Variants in NPAS3 observed in about 807,000 individuals in gnomAD.
NPAS3 encodes the protein neuronal PAS domain protein 3.
A neutral mutation model predicts 73.1 loss-of-function variants in NPAS3; 14 were observed. The ratio of observed to expected loss-of-function variants is 0.19; its 90% CI spans 0.13 to 0.30. The LOEUF (loss-of-function observed/expected upper bound fraction) is 0.30. Among genes scored for constraint, NPAS3 ranks in the 10% least tolerant of loss-of-function variants. The probability of loss-of-function intolerance (pLI) is 1.00; values close to 1 mark genes in which losing one functional copy is unlikely to be tolerated. For synonymous variants in NPAS3, 620 were observed against 541.5 expected, an observed-to-expected ratio of 1.14 and a Z score of -2.01; for missense variants, 1,096 against 1,250.0, an observed-to-expected ratio of 0.88 and a Z score of 1.86.
At chr14:33,453,752 A>G (rs968913150) in intron 4 of NPAS3, among the ~76,000 whole-genome samples, 4 of 152,334 alleles carry the variant, frequency 2.6e-5, no homozygotes, top group African/African-American at 9.6e-5. Context: ...AAGTGTTAGA[A>G]TAAAATCATC....
intron 4 of NPAS3, among the ~76,000 whole-genome samples, chr14:33,534,922 C>T (rs536753760): frequency 1.4e-4 from 21 of 152,166 alleles, no homozygotes; most frequent in Admixed American, 3.3e-4. Context: ...CTTTCCAGGA[C>T]GTGTGCTGTG....
intron 4 of NPAS3, among the ~76,000 whole-genome samples, chr14:33,523,168 T>TGGGATA (rs1738642742): frequency 6.6e-6 from 1 of 152,020 alleles, no homozygotes; most frequent in African/African-American, 2.4e-5. Flanking sequence ...TAAAGTACAT[T>TGGGATA]GGGATAGGTA....
At chr14:33,702,909 A>C (rs2060560335) in intron 6 of NPAS3, among the ~76,000 whole-genome samples, 1 of 152,164 alleles carries the variant, frequency 6.6e-6, no homozygotes, top group African/African-American at 2.4e-5. Context: ...TGGGTGTGAA[A>C]TATCCACCTG....
chr14:33,622,843 A>T (rs2058114751), intron 5 of NPAS3, among the ~76,000 whole-genome samples: 1 of 152,128 alleles, frequency 6.6e-6, no homozygotes, highest in Non-Finnish European at 1.5e-5. Flanking sequence ...TTTTTTTCCC[A>T]ATCAGTCAAG....
intron 5 of NPAS3, among the ~76,000 whole-genome samples, chr14:33,638,531 G>A (rs1322566383): frequency 6.6e-6 from 1 of 152,212 alleles, no homozygotes; most frequent in African/African-American, 2.4e-5. Flanking sequence ...TAGATTAAAT[G>A]ATAAATCATA....
At chr14:33,670,624 C>CAAAA (rs755412371) in intron 5 of NPAS3, among the ~76,000 whole-genome samples, 1 of 134,898 alleles carries the variant, frequency 7.4e-6, no homozygotes, top group Non-Finnish European at 1.6e-5. Flanking sequence ...GACCCCCCCT[C>CAAAA]AAAAAAAAAA....
At chr14:33,001,430 G>C (rs999700048) in intron 1 of NPAS3, among the ~76,000 whole-genome samples, 1 of 152,128 alleles carries the variant, frequency 6.6e-6, no homozygotes, top group African/African-American at 2.4e-5. Context: ...TTTTTTGCTA[G>C]TATCTTATGA....
intron 2 of NPAS3, among the ~76,000 whole-genome samples, chr14:33,127,198 T>G (rs2139079311): frequency 6.6e-6 from 1 of 152,254 alleles, no homozygotes; most frequent in South Asian, 2.1e-4. Flanking sequence ...ACCGTTGTCT[T>G]GTTTCTGATT....
chr14:33,291,302 A>T lies in NPAS3; in HGVS notation c.385+75876A>T, dbSNP rs769925765. On this transcript the variant is annotated intron_variant, in intron 3 of 11. Transcript: ENST00000356141. ...TAGCACAGATAGGTGGCCGTGCCTA[A>T]CTTTCTATATCATGTTTTTAAAGGC... is the stretch of plus-strand genomic sequence containing the variant. Among the ~76,000 whole-genome samples, 182 of 152,140 alleles carry T rather than the reference A, an allele frequency of 1.2e-3. 2 individuals carry two copies. Among genetic ancestry groups the T allele is most frequent in the Middle Eastern group, 3.4e-3 (1 of 292 alleles).
intron 5 of NPAS3, among the ~76,000 whole-genome samples, chr14:33,666,832 C>T (rs747112572): frequency 7.9e-5 from 12 of 152,024 alleles, no homozygotes; most frequent in Non-Finnish European, 1.3e-4. Context: ...TGTACTAGTT[C>T]GGTTCTTTTA....
intron 3 of NPAS3, among the ~76,000 whole-genome samples, chr14:33,278,898 AT>A (rs1254082034): frequency 1.3e-5 from 2 of 152,228 alleles, no homozygotes; most frequent in East Asian, 3.8e-4. Flanking sequence ...GGACACGAAG[AT>A]TTCTTCTTGA....
intron 7 of NPAS3, among the ~76,000 whole-genome samples, chr14:33,760,577 C>G (rs567506832): frequency 6.6e-6 from 1 of 152,230 alleles, no homozygotes; most frequent in South Asian, 2.1e-4. Context: ...ATCTGTCATT[C>G]AACTGCTCGC....
chr14:33,243,608 T>C lies in NPAS3; in HGVS notation c.385+28182T>C, dbSNP rs190533412. ...CAATTATTAATCTCCTCCTGTGGGC[T>C]AAGAACTTGTCTGTGTCTGCTGCCT... On this transcript the variant is annotated intron_variant, in intron 3 of 11. Transcript: ENST00000356141. Among the ~76,000 whole-genome samples the C allele has an allele frequency of 2.6e-5, 4 of 152,246 alleles. No homozygotes were observed. The East Asian group carries it at 7.7e-4, about 29-fold the overall frequency.
At chr14:33,544,794 A>ATATATATATATGTATATATATAT (rs2054716250) in intron 4 of NPAS3, among the ~76,000 whole-genome samples, 2 of 107,866 alleles carry the variant, frequency 1.9e-5, no homozygotes, top group African/African-American at 9.6e-5. Context: ...TGTATTATAT[A>ATATATATATATGTATATATATAT]TATATATATA....
Position 33,604,022 on chromosome 14 carries a change from A to C in NPAS3, c.558+43812A>C, listed in dbSNP as rs181581612. On this transcript the variant is annotated intron_variant, in intron 5 of 11. Transcript: ENST00000356141. ...GAGCCCTAAAACAACTAAAAAAAAA[A>C]CAAAGAGTTATAGCTAATAAAGCAA... Among the ~76,000 whole-genome samples, 33 of 152,224 alleles carry C rather than the reference A, an allele frequency of 2.2e-4. No individual in the cohort carries two copies. In the East Asian group the frequency reaches 3.7e-3, roughly 17 times the overall value.
At chr14:33,624,474 A>G (rs1354373456) in intron 5 of NPAS3, among the ~76,000 whole-genome samples, 1 of 152,116 alleles carries the variant, frequency 6.6e-6, no homozygotes, top group East Asian at 1.9e-4. Context: ...GTAAAGTTTT[A>G]TAACTTTTGT....
intron 3 of NPAS3, among the ~76,000 whole-genome samples, chr14:33,351,402 A>T (rs2045045805): frequency 6.6e-6 from 1 of 152,184 alleles, no homozygotes; most frequent in African/African-American, 2.4e-5. Flanking sequence ...AAAAAAATGG[A>T]AGATAACCTT....
chr14:33,580,735 C>T (rs969854788), intron 5 of NPAS3, among the ~76,000 whole-genome samples: 32 of 152,170 alleles, frequency 2.1e-4, no homozygotes, highest in Non-Finnish European at 4.1e-4. Context: ...GCTCCAACTT[C>T]GACCTAGAAC....
intron 2 of NPAS3, among the ~76,000 whole-genome samples, chr14:33,195,953 T>G (rs192143716): frequency 4.6e-5 from 7 of 152,214 alleles, no homozygotes; most frequent in African/African-American, 1.7e-4. Flanking sequence ...GTTCCACTAA[T>G]GTTGTATGAC....
Sources: allele counts gnomAD v4.1 joint callset (sites outside exome capture counted in the v4.1 genomes callset), GRCh38; gene constraint gnomAD v4.1.1; transcripts MANE v1.5; gene names NCBI Gene and HGNC (gene_info 2026-07-23, HGNC 2026-07-21).